TENM3: variants seen among roughly 807,000 people sequenced by gnomAD.
TENM3 encodes teneurin transmembrane protein 3.
In TENM3, 63 loss-of-function variants were observed where a neutral mutation model predicts 255.1. The ratio of observed to expected loss-of-function variants is 0.25; its 90% CI spans 0.20 to 0.30. The LOEUF is 0.30. Ranked by LOEUF, TENM3 falls within the 10% of genes least tolerant of loss-of-function variation. The pLI is 1.00. For missense variants in TENM3, 2,929 were observed against 3,461.1 expected (o/e 0.85, Z 3.86); for synonymous variants, 1,306 against 1,322.3 (o/e 0.99, Z 0.27).
intron 7 of TENM3, among the ~76,000 whole-genome samples, chr4:182,678,075 C>A (rs1371564620): frequency 2.0e-5 from 3 of 151,958 alleles, no homozygotes; most frequent in Non-Finnish European, 4.4e-5. Context: ...ATATGTTTCA[C>A]CATAAACACA....
At chr4:181,637,649 C>T in the TENM3 span, among the ~76,000 whole-genome samples, 3 of 152,346 alleles carry the variant, frequency 2.0e-5, no homozygotes, top group Non-Finnish European at 4.4e-5. Context: ...GGCCCTGCCT[C>T]CTCCTACAAT....
chr4:182,095,229 T>A, the TENM3 span, among the ~76,000 whole-genome samples: 1 of 152,220 alleles, frequency 6.6e-6, no homozygotes, highest in Non-Finnish European at 1.5e-5. Context: ...TGCACTCCCA[T>A]GTTTAATGCA....
intron 6 of TENM3, 120 bp downstream of exon 6, chr4:182,654,013 A>G (rs1753550581): frequency 1.1e-6 from 1 of 930,576 alleles, no homozygotes; most frequent in Non-Finnish European, 1.5e-6. Flanking sequence ...GAAATTACAG[A>G]TATCATCTTT....
chr4:182,592,003 A>T (rs1746698081), intron 3 of TENM3, among the ~76,000 whole-genome samples: 1 of 152,154 alleles, frequency 6.6e-6, no homozygotes, highest in Non-Finnish European at 1.5e-5. Context: ...TTCAGAGGGA[A>T]ATAATGACTA....
chr4:182,224,042 G>A (rs1460745767), intron 1 of TENM3, among the ~76,000 whole-genome samples: 1 of 151,998 alleles, frequency 6.6e-6, no homozygotes, highest in Non-Finnish European at 1.5e-5. Context: ...ATTATGGTGT[G>A]GCTTATTTTA....
At chr4:181,731,447 G>T in the TENM3 span, among the ~76,000 whole-genome samples, 2 of 152,272 alleles carry the variant, frequency 1.3e-5, no homozygotes, top group South Asian at 4.1e-4. Context: ...GACCTCTCAG[G>T]TTCAAGCAAT....
intron 5 of TENM3, among the ~76,000 whole-genome samples, chr4:182,631,268 G>A (rs1461629080): frequency 6.6e-6 from 1 of 151,918 alleles, no homozygotes; most frequent in Non-Finnish European, 1.5e-5. Context: ...TCTAGTTATT[G>A]TGCTAGGAAT....
the TENM3 span, among the ~76,000 whole-genome samples, chr4:181,979,456 G>A: frequency 1.3e-5 from 2 of 151,780 alleles, no homozygotes; most frequent in Admixed American, 1.3e-4. Context: ...AAAAATTATG[G>A]CTGAAATAAA....
rs143092165 is a variant in TENM3 at position 182,574,315 on chromosome 4, C to T, written c.512-26609C>T. ...CTTTATTATTTATTATTTATTTATT[C>T]ACTAATTTATTCTCCTCTTTATTCC... On this transcript the variant is annotated intron_variant, in intron 3 of 27. Transcript: ENST00000511685. Among the ~76,000 whole-genome samples the T allele has an allele frequency of 4.1e-3, 628 of 152,014 alleles. 3 individuals carry two copies. Among genetic ancestry groups the T allele is most frequent in the African/African-American group, 0.014 (584 of 41,524 alleles).
rs1414148455 is a variant in TENM3, at chr4:182,793,220, G to A, written c.6548G>A (p.Arg2183Gln). Residue 2183 changes from arginine to glutamine, a missense_variant, in exon 26 of 28, where the codon CGA (arginine) becomes CAA (glutamine). Coordinates refer to ENST00000511685, the MANE Select transcript of TENM3 (RefSeq NM_001080477.4). The surrounding 1 kb of genome is among the most constrained non-coding windows in gnomAD (Gnocchi z 5.7). ...LRYDLRDRIT[R>Q]LGDVQYRLDE... ...TATGACCTGCGAGACAGAATCACTC[G>A]ACTGGGTGATGTTCAATATCGGTTG... 3.7e-6 allele frequency: 6 copies of A among 1,613,706 alleles called. No individual in the cohort carries two copies. The highest frequency in any genetic ancestry group is 1.1e-5 in the South Asian group (1 of 91,070).
chr4:182,187,230 A>T (rs1753219423), intron 1 of TENM3, among the ~76,000 whole-genome samples: 1 of 152,216 alleles, frequency 6.6e-6, no homozygotes, highest in Admixed American at 6.5e-5. Flanking sequence ...AATCTTTTGA[A>T]GAAAAACAAC....
At chr4:181,605,530 G>GA in the TENM3 span, among the ~76,000 whole-genome samples, 2 of 19,996 alleles carry the variant, frequency 1.0e-4, 1 homozygote, top group South Asian at 4.8e-3. Context: ...AAGAAAGAAA[G>GA]AAAGAAAGAA....
At chr4:182,744,071 A>G (rs1761808880) in intron 19 of TENM3, 1 of 878,636 alleles carries the variant, frequency 1.1e-6, no homozygotes, top group Non-Finnish European at 1.4e-6. Context: ...TATATTTTAG[A>G]AGGCTTTTCT....
At chr4:181,960,939 G>C in the TENM3 span, among the ~76,000 whole-genome samples, 1 of 152,128 alleles carries the variant, frequency 6.6e-6, no homozygotes, top group African/African-American at 2.4e-5. Context: ...ACAGCTCTGT[G>C]ACAGCCATTG....
chr4:182,351,386 C>T (rs1441025069), intron 3 of TENM3, among the ~76,000 whole-genome samples: 1 of 152,206 alleles, frequency 6.6e-6, no homozygotes, highest in African/African-American at 2.4e-5. Context: ...CCAGCCGGTG[C>T]GACGTTGTCA....
At chr4:182,298,984 C>CAAAAAGAAAAAAAAAAAAA (rs1761672715) in intron 1 of TENM3, among the ~76,000 whole-genome samples, 1 of 25,554 alleles carries the variant, frequency 3.9e-5, no homozygotes, top group African/African-American at 1.3e-4. Context: ...GACTCCTTCT[C>CAAAAAGAAAAAAAAAAAAA]AAAAAAAAAA....
At chr4:181,771,805 G>A in the TENM3 span, among the ~76,000 whole-genome samples, 147 of 152,306 alleles carry the variant, frequency 9.7e-4, 6 homozygotes, top group South Asian at 0.027. Flanking sequence ...CACATTTTGC[G>A]AAGCAAGGCT....
chr4:182,451,519 T>C (rs1773460705), intron 3 of TENM3, among the ~76,000 whole-genome samples: 1 of 152,160 alleles, frequency 6.6e-6, no homozygotes, highest in Non-Finnish European at 1.5e-5. Context: ...GACTCCTTTC[T>C]TTCATAACGT....
intron 1 of TENM3, among the ~76,000 whole-genome samples, chr4:182,166,251 T>C (rs973956858): frequency 2.6e-5 from 4 of 152,304 alleles, no homozygotes; most frequent in East Asian, 3.9e-4. Context: ...CAGCTTTCCA[T>C]AGGAAACTAT....
Sources: gnomAD v4.1 joint callset for allele counts (sites outside exome capture counted in the v4.1 genomes callset) on GRCh38, gnomAD v4.1.1 for gene constraint, Gnocchi (gnomAD v3.1) non-coding constraint, MANE v1.5 for transcripts, NCBI Gene and HGNC (gene_info 2026-07-23, HGNC 2026-07-21) for gene names.